The following MACROD2 variants were observed in gnomAD, a reference collection of about 807,000 sequenced individuals.
The protein encoded by MACROD2 is mono-ADP ribosylhydrolase 2.
A neutral mutation model predicts 70.4 loss-of-function variants in MACROD2; 36 were observed. The ratio of observed to expected loss-of-function variants is 0.51; its 90% CI spans 0.39 to 0.68. The LOEUF is 0.68. Ranked by LOEUF, MACROD2 falls within the 30% of genes least tolerant of loss-of-function variation. MACROD2 has a pLI of 0.00. For missense variants in MACROD2, 496 were observed against 538.4 expected (o/e 0.92, Z 0.78); for synonymous variants, 172 against 178.8 (o/e 0.96, Z 0.30).
chr20:14,912,981 G>A (rs1385622884), intron 5 of MACROD2, among the ~76,000 whole-genome samples: 1 of 152,110 alleles, frequency 6.6e-6, no homozygotes, highest in Non-Finnish European at 1.5e-5. Context: ...GTACTTGCCA[G>A]GATGAGTACA....
intron 5 of MACROD2, among the ~76,000 whole-genome samples, chr20:15,227,849 T>TTTTTTTTTTTTTTC (rs2076923856): frequency 7.0e-6 from 1 of 142,876 alleles, no homozygotes; most frequent in Non-Finnish European, 1.5e-5. Context: ...TTTTTTTTTT[T>TTTTTTTTTTTTTTC]CAAATTTAAT....
intron 10 of MACROD2, among the ~76,000 whole-genome samples, chr20:15,930,397 C>T (rs969142827): frequency 3.4e-4 from 52 of 152,160 alleles, no homozygotes; most frequent in African/African-American, 1.2e-3. Flanking sequence ...GCCAAAATGT[C>T]CTTCTAAAAG....
chr20:14,005,314 C>T (rs945661938), intron 2 of MACROD2, among the ~76,000 whole-genome samples: 4 of 152,022 alleles, frequency 2.6e-5, no homozygotes, highest in African/African-American at 9.7e-5. Flanking sequence ...TCCAGAAAAA[C>T]CCATTAAATA....
At chr20:15,129,222 A>T (rs775149711) in intron 5 of MACROD2, among the ~76,000 whole-genome samples, 4 of 152,086 alleles carry the variant, frequency 2.6e-5, no homozygotes, top group Non-Finnish European at 5.9e-5. Flanking sequence ...GATTGAAGAA[A>T]CTGGAAATAT....
At chr20:15,303,578 G>A (rs960772097) in intron 6 of MACROD2, among the ~76,000 whole-genome samples, 1 of 152,120 alleles carries the variant, frequency 6.6e-6, no homozygotes, top group African/African-American at 2.4e-5. Flanking sequence ...TAACTAACCA[G>A]TTTTTCCTCT....
intron 8 of MACROD2, among the ~76,000 whole-genome samples, chr20:15,745,344 A>G (rs2051166772): frequency 6.6e-6 from 1 of 152,088 alleles, no homozygotes; most frequent in African/African-American, 2.4e-5. Flanking sequence ...ATCTTACTGC[A>G]TTTATCTAAT....
At chr20:15,597,605 ATC>A (rs1249849945) in intron 8 of MACROD2, among the ~76,000 whole-genome samples, 6 of 152,230 alleles carry the variant, frequency 3.9e-5, no homozygotes, top group African/African-American at 7.2e-5. Flanking sequence ...GGTGGGCAGT[ATC>A]TGATGATGGC....
intron 5 of MACROD2, among the ~76,000 whole-genome samples, chr20:14,769,876 A>G (rs1054775534): frequency 1.3e-5 from 2 of 152,116 alleles, no homozygotes; most frequent in African/African-American, 4.8e-5. Flanking sequence ...AATCAGCATT[A>G]TTTATGACAG....
intron 8 of MACROD2, among the ~76,000 whole-genome samples, chr20:15,679,497 C>T (rs2146854934): frequency 6.6e-6 from 1 of 152,274 alleles, no homozygotes; most frequent in South Asian, 2.1e-4. Context: ...AGTTTTATCC[C>T]CTTGGGCTGA....
intron 3 of MACROD2, among the ~76,000 whole-genome samples, chr20:14,180,570 A>G (rs1569194143): frequency 6.6e-6 from 1 of 152,148 alleles, no homozygotes; most frequent in East Asian, 1.9e-4. Flanking sequence ...GGTGTTGTTC[A>G]GGCATTTAGA....
intron 5 of MACROD2, among the ~76,000 whole-genome samples, chr20:15,169,665 G>C (rs534457045): frequency 6.6e-6 from 1 of 152,284 alleles, no homozygotes; most frequent in Admixed American, 6.5e-5. Context: ...CACTGATGTA[G>C]TTTTAGTCAT....
chr20:15,406,262 T>A (rs539936138), intron 6 of MACROD2, among the ~76,000 whole-genome samples: 8 of 152,326 alleles, frequency 5.3e-5, no homozygotes, highest in Non-Finnish European at 7.3e-5. Context: ...AGGGAAAGTG[T>A]CCAGCATTAT....
intron 6 of MACROD2, among the ~76,000 whole-genome samples, chr20:15,309,057 C>T (rs949244039): frequency 6.6e-6 from 1 of 152,162 alleles, no homozygotes; most frequent in African/African-American, 2.4e-5. Context: ...TAAAACTCGT[C>T]CATATCTCTA....
At chr20:15,366,132 A>G (rs1402415584) in intron 6 of MACROD2, among the ~76,000 whole-genome samples, 1 of 152,238 alleles carries the variant, frequency 6.6e-6, no homozygotes, top group Non-Finnish European at 1.5e-5. Flanking sequence ...CATCTCTGGA[A>G]CAGAGTATTC....
intron 6 of MACROD2, among the ~76,000 whole-genome samples, chr20:15,233,983 T>TTATATATATATATATATATATA (rs1312226727): frequency 1.1e-4 from 5 of 43,994 alleles, no homozygotes; most frequent in Admixed American, 3.7e-4. Flanking sequence ...ATATATTTAT[T>TTATATATATATATATATATATA]TATATATATA....
In MACROD2 at chr20:14,093,457, T is replaced by G. The variant is rs541844435; in HGVS notation, c.271+7729T>G. 2.0e-4 allele frequency among the ~76,000 whole-genome samples: 30 copies of G among 152,250 alleles called. No homozygotes were observed. The South Asian group carries it at 5.8e-3, about 29-fold the overall frequency. On this transcript the variant is annotated intron_variant, in intron 3 of 17. Coordinates refer to ENST00000684519, the MANE Select transcript of MACROD2 (RefSeq NM_001351661.2). Reference sequence around the variant, plus strand: ...AAAAGAGGTGTTTTCAGAACTAGATTGTCTATACGTGATGTTCAGATTCTG... The same window carrying G: ...AAAAGAGGTGTTTTCAGAACTAGATGGTCTATACGTGATGTTCAGATTCTG...
At chr20:15,858,879 G>C (rs1175448738) in intron 8 of MACROD2, among the ~76,000 whole-genome samples, 1 of 152,130 alleles carries the variant, frequency 6.6e-6, no homozygotes, top group Non-Finnish European at 1.5e-5. Flanking sequence ...GATTCAAGAG[G>C]TGGAATTACA....
chr20:15,236,385 A>G (rs550616222), intron 6 of MACROD2, among the ~76,000 whole-genome samples: 34 of 152,190 alleles, frequency 2.2e-4, no homozygotes, highest in Non-Finnish European at 4.3e-4. Flanking sequence ...CCACATTGAC[A>G]GATCCTGCAC....
At chr20:15,200,587 G>A (rs1416092201) in intron 5 of MACROD2, among the ~76,000 whole-genome samples, 1 of 152,186 alleles carries the variant, frequency 6.6e-6, no homozygotes, top group African/African-American at 2.4e-5. Context: ...AGGATCCCAG[G>A]TTGTGCTATT....
Sources: allele counts gnomAD v4.1 joint callset (sites outside exome capture counted in the v4.1 genomes callset), GRCh38; gene constraint gnomAD v4.1.1; transcripts MANE v1.5; gene names NCBI Gene and HGNC (gene_info 2026-07-23, HGNC 2026-07-21).